Variants in MAD1L1 observed in about 807,000 individuals in gnomAD.
MAD1L1 encodes the protein mitotic arrest deficient 1 like 1.
In MAD1L1, 95 loss-of-function variants were observed where a neutral mutation model predicts 96.9. The ratio of observed to expected loss-of-function variants is 0.98; its 90% CI spans 0.83 to 1.16. MAD1L1 has a LOEUF of 1.16. Among genes scored for constraint, MAD1L1 ranks in the 50% most tolerant of loss-of-function variants. The pLI is 0.00. For synonymous variants in MAD1L1, 473 were observed against 396.6 expected (o/e 1.19, Z -2.29); for missense variants, 1,007 against 954.4 (o/e 1.06, Z -0.73).
At chr7:2,035,255 G>A (rs374820917) in intron 12 of MAD1L1, among the ~76,000 whole-genome samples, 4 of 139,214 alleles carry the variant, frequency 2.9e-5, no homozygotes, top group East Asian at 4.1e-4. Context: ...AGGCATGAGC[G>A]CGGGAGCGCT....
At chr7:2,145,050 C>T (rs1452396598) in intron 11 of MAD1L1, among the ~76,000 whole-genome samples, 2 of 152,220 alleles carry the variant, frequency 1.3e-5, no homozygotes, top group Non-Finnish European at 2.9e-5. Flanking sequence ...GCACCCCACC[C>T]TCCTGGAGCG....
intron 18 of MAD1L1, among the ~76,000 whole-genome samples, chr7:1,884,620 ACGAC>A (rs532923401): frequency 6.6e-6 from 1 of 152,206 alleles, no homozygotes; most frequent in Non-Finnish European, 1.5e-5. Flanking sequence ...GGTCTAAGAG[ACGAC>A]CGAGAGTGGC....
intron 16 of MAD1L1, among the ~76,000 whole-genome samples, chr7:1,947,042 G>GA (rs1246796846): frequency 5.9e-5 from 9 of 152,214 alleles, no homozygotes; most frequent in Non-Finnish European, 1.2e-4. Context: ...TCCTCTCTGG[G>GA]CCTCGGCTTC....
At chr7:1,879,164 C>T (rs775552079) in intron 18 of MAD1L1, among the ~76,000 whole-genome samples, 8 of 152,138 alleles carry the variant, frequency 5.3e-5, no homozygotes, top group Non-Finnish European at 1.0e-4. Flanking sequence ...GATTGGAACA[C>T]AATATTGTTA....
At chr7:2,164,386 C>T (rs543698058) in intron 10 of MAD1L1, among the ~76,000 whole-genome samples, 4 of 152,294 alleles carry the variant, frequency 2.6e-5, no homozygotes, top group Non-Finnish European at 4.4e-5. Context: ...ACAGACAATT[C>T]GACCCTCCTG....
At chr7:1,965,365 C>T (rs1780120168) in intron 15 of MAD1L1, among the ~76,000 whole-genome samples, 2 of 152,226 alleles carry the variant, frequency 1.3e-5, no homozygotes, top group African/African-American at 4.8e-5. Flanking sequence ...GCCTGCCCTT[C>T]CTCTCCCACA....
intron 18 of MAD1L1, among the ~76,000 whole-genome samples, chr7:1,893,599 C>A (rs752159040): frequency 6.6e-6 from 1 of 152,166 alleles, no homozygotes. Context: ...CTCTGCCCTC[C>A]GTGGCCCTAT....
chr7:1,881,608 G>C (rs1308418935), intron 18 of MAD1L1, among the ~76,000 whole-genome samples: 1 of 152,202 alleles, frequency 6.6e-6, no homozygotes, highest in Non-Finnish European at 1.5e-5. Flanking sequence ...CTGCGAAATA[G>C]CACATTATGC....
chr7:2,019,339 C>T (rs932408748), intron 12 of MAD1L1, among the ~76,000 whole-genome samples: 1 of 152,226 alleles, frequency 6.6e-6, no homozygotes, highest in Non-Finnish European at 1.5e-5. Flanking sequence ...AGGACTCTGG[C>T]ATCCGTGGGG....
At chr7:2,226,387 C>T (rs577403063) in intron 3 of MAD1L1, among the ~76,000 whole-genome samples, 1 of 151,150 alleles carries the variant, frequency 6.6e-6, no homozygotes, top group African/African-American at 2.4e-5. Context: ...TGAGCTGAGC[C>T]TCTGGGGGCC....
At chr7:2,075,634 C>T in intron 11 of MAD1L1, among the ~76,000 whole-genome samples, 1 of 152,166 alleles carries the variant, frequency 6.6e-6, no homozygotes, top group East Asian at 1.9e-4. Context: ...AAAGAACAAG[C>T]TCTGAGCTTC....
chr7:1,965,302 A>G (rs532824545), intron 15 of MAD1L1, among the ~76,000 whole-genome samples: 1 of 152,292 alleles, frequency 6.6e-6, no homozygotes, highest in South Asian at 2.1e-4. Flanking sequence ...TGTTTGTCAT[A>G]AAGAGAGCAC....
Position 2,160,720 on chromosome 7 carries a change from C to G in MAD1L1, c.987-11482G>C, listed in dbSNP as rs533946185. Among the ~76,000 whole-genome samples, 21 of 152,102 alleles carry G rather than the reference C, an allele frequency of 1.4e-4. 1 individual carries two copies. The East Asian group carries it at 3.1e-3, about 22-fold the overall frequency. On this transcript the variant is annotated intron_variant, in intron 10 of 18. Transcript: ENST00000265854. The stretch of plus-strand genomic sequence containing the variant: ...TGACCTCAGCTCACTGGAATCTCCG[C>G]TCTCCTGCCTCAGCCTCCAGAGTAG...
intron 12 of MAD1L1, among the ~76,000 whole-genome samples, chr7:2,061,851 C>G (rs1784674582): frequency 6.6e-6 from 1 of 152,220 alleles, no homozygotes. Flanking sequence ...CAAATCTCAG[C>G]TATACACAAC....
At chr7:2,009,488 C>A (rs191304109) in intron 13 of MAD1L1, among the ~76,000 whole-genome samples, 7 of 152,332 alleles carry the variant, frequency 4.6e-5, no homozygotes, top group Non-Finnish European at 8.8e-5. Context: ...CTCCAAGTGG[C>A]TTGTGACACA....
At chr7:2,049,840 A>G (rs1227177371) in intron 12 of MAD1L1, among the ~76,000 whole-genome samples, 1 of 150,880 alleles carries the variant, frequency 6.6e-6, no homozygotes, top group East Asian at 2.0e-4. Context: ...CGGGCACCAG[A>G]CCACACGTTC....
intron 11 of MAD1L1, among the ~76,000 whole-genome samples, chr7:2,081,906 C>T (rs566910100): frequency 1.3e-5 from 2 of 152,290 alleles, no homozygotes; most frequent in East Asian, 1.9e-4. Flanking sequence ...CAGCAGGGCA[C>T]GCCTGACATG....
intron 10 of MAD1L1, among the ~76,000 whole-genome samples, chr7:2,161,446 G>A (rs946719128): frequency 2.6e-5 from 4 of 151,950 alleles, no homozygotes; most frequent in Non-Finnish European, 5.9e-5. Context: ...GCGTGATCTC[G>A]GCTCGCTACA....
At chr7:1,833,553 C>T (rs527403797) in intron 18 of MAD1L1, among the ~76,000 whole-genome samples, 1 of 152,356 alleles carries the variant, frequency 6.6e-6, no homozygotes, top group South Asian at 2.1e-4. Context: ...ATCGATATAG[C>T]ACATTCCAGC....
Sources: gnomAD v4.1 joint callset for allele counts (sites outside exome capture counted in the v4.1 genomes callset) on GRCh38, gnomAD v4.1.1 for gene constraint, MANE v1.5 for transcripts, NCBI Gene and HGNC (gene_info 2026-07-23, HGNC 2026-07-21) for gene names.